Variants in AKAIN1 observed in about 807,000 individuals in gnomAD.
AKAIN1 encodes the protein A-kinase anchor protein inhibitor 1.
AKAIN1 carries 3 observed loss-of-function variants against 3.7 expected under a neutral mutation model. The observed-to-expected ratio is 0.82, with a 90% CI of 0.37 to 2.12. The LOEUF is 2.12. Ranked by LOEUF, AKAIN1 falls within the 30% of genes most tolerant of loss-of-function variation. The pLI is 0.06. For synonymous variants in AKAIN1, 31 were observed against 30.8 expected (o/e 1.01, Z -0.02); for missense variants, 82 against 82.7 (o/e 0.99, Z 0.03).
At chr18:5,195,884 T>C (rs1412842631) in intron 1 of AKAIN1, among the ~76,000 whole-genome samples, 1 of 152,170 alleles carries the variant, frequency 6.6e-6, no homozygotes, top group Non-Finnish European at 1.5e-5. Flanking sequence ...TAAGAACCAC[T>C]GCCTGTGGTA....
chr18:5,194,116 A>G (rs1045354018), intron 1 of AKAIN1, among the ~76,000 whole-genome samples: 1 of 152,190 alleles, frequency 6.6e-6, no homozygotes, highest in Non-Finnish European at 1.5e-5. Context: ...CACAGAAATT[A>G]ATATATATGT....
At chr18:5,196,872 G>A (rs1411898871) in intron 1 of AKAIN1, among the ~76,000 whole-genome samples, 166 bp downstream of exon 1, 1 of 152,196 alleles carries the variant, frequency 6.6e-6, no homozygotes, top group Non-Finnish European at 1.5e-5. Context: ...CTGGGGAGAG[G>A]GGCGAAGGCG....
At chr18:5,155,435 T>C (rs7232953) in intron 1 of AKAIN1, among the ~76,000 whole-genome samples, 45,865 of 152,090 alleles carry the variant, frequency 0.3, 7,712 homozygotes, top group African/African-American at 0.44. Flanking sequence ...TTATTGAATA[T>C]GTATATCTGG....
intron 1 of AKAIN1, among the ~76,000 whole-genome samples, chr18:5,157,715 T>G (rs1013124447): frequency 6.6e-6 from 1 of 152,122 alleles, no homozygotes; most frequent in Non-Finnish European, 1.5e-5. Context: ...TTATTAAATT[T>G]TTTTCAAAGA....
chr18:5,148,208 GA>G (rs2071060154), intron 1 of AKAIN1, among the ~76,000 whole-genome samples: 1 of 152,232 alleles, frequency 6.6e-6, no homozygotes, highest in African/African-American at 2.4e-5. Flanking sequence ...TCACACAAGA[GA>G]AATTCATTGC....
rs1440115836 is a variant in AKAIN1 at position 5,176,453 on chromosome 18, C to CA, written c.16+20584dup. ...GGACCCTGTCTCAAAAACAAACAAA[C>CA]AAACAAAAAAAACAAACTGGTAAAT... On this transcript the variant is annotated intron_variant, in intron 1 of 1. Coordinates refer to ENST00000434239, the MANE Select transcript of AKAIN1 (RefSeq NM_001145194.2). Among the ~76,000 whole-genome samples the CA allele has an allele frequency of 3.7e-3, 552 of 150,038 alleles. 10 individuals carry two copies. In the East Asian group the frequency reaches 0.061, roughly 17 times the overall value.
chr18:5,192,441 C>CCTTCT (rs1555611454), intron 1 of AKAIN1, among the ~76,000 whole-genome samples: 1 of 101,430 alleles, frequency 9.9e-6, no homozygotes, highest in East Asian at 3.9e-4. Flanking sequence ...TTCTTTCTTT[C>CCTTCT]TTTCTTTTTC....
chr18:5,160,510 G>C (rs2071133293), intron 1 of AKAIN1, among the ~76,000 whole-genome samples: 1 of 151,790 alleles, frequency 6.6e-6, no homozygotes. Context: ...GGCCCTCTTT[G>C]TGGCTCAGAA....
At chr18:5,157,919 T>C (rs447125) in intron 1 of AKAIN1, among the ~76,000 whole-genome samples, 64,535 of 151,914 alleles carry the variant, frequency 0.42, 15,914 homozygotes, top group African/African-American at 0.69. Context: ...GTCTCAAACT[T>C]CTGGCCTCAA....
intron 1 of AKAIN1, among the ~76,000 whole-genome samples, chr18:5,147,324 C>T (rs1457607278): frequency 6.6e-6 from 1 of 152,132 alleles, no homozygotes; most frequent in African/African-American, 2.4e-5. Context: ...AAGGCAACTG[C>T]TCTTTTGTAT....
chr18:5,158,859 A>C (rs2071123132), intron 1 of AKAIN1, among the ~76,000 whole-genome samples: 1 of 152,194 alleles, frequency 6.6e-6, no homozygotes, highest in South Asian at 2.1e-4. Context: ...AGTTCACCTG[A>C]ACAAGCCTTG....
chr18:5,146,505 A>C lies in AKAIN1; in HGVS notation c.17-750T>G, dbSNP rs77306682. Among the ~76,000 whole-genome samples, 9 of 152,298 alleles carry C rather than the reference A, an allele frequency of 5.9e-5. No individual in the cohort carries two copies. In the East Asian group the frequency reaches 1.2e-3, roughly 20 times the overall value. On this transcript the variant is annotated intron_variant, in intron 1 of 1. Transcript: ENST00000434239. ...GCCAAATACATGCCTAGTGTATATA[A>C]CCTCGCTGGGGCTGGAGAACAAATG...
chr18:5,162,502 G>A lies in AKAIN1; in HGVS notation c.17-16747C>T, dbSNP rs541163356. On this transcript the variant is annotated intron_variant, in intron 1 of 1. Transcript: ENST00000434239. ...GGCACAGAATATCTGGGAACTATGA[G>A]CAGGTCTTAACTCCCTAGCCTAGTT... is the stretch of plus-strand genomic sequence containing the variant. Among the ~76,000 whole-genome samples, 7 of 152,164 alleles carry A rather than the reference G, an allele frequency of 4.6e-5. No homozygotes were observed. In the South Asian group the frequency reaches 8.3e-4, roughly 18 times the overall value.
chr18:5,195,526 G>C (rs1252794521), intron 1 of AKAIN1, among the ~76,000 whole-genome samples: 1 of 152,194 alleles, frequency 6.6e-6, no homozygotes, highest in Non-Finnish European at 1.5e-5. Context: ...CCTGGAGCCA[G>C]TGAGATATTT....
chr18:5,195,676 A>G (rs1394039121), intron 1 of AKAIN1, among the ~76,000 whole-genome samples: 2 of 152,226 alleles, frequency 1.3e-5, no homozygotes, highest in Non-Finnish European at 2.9e-5. Context: ...CAGGGTAATT[A>G]GGAGATCAAA....
At chr18:5,193,731 T>G (rs1281597165) in intron 1 of AKAIN1, among the ~76,000 whole-genome samples, 1 of 152,190 alleles carries the variant, frequency 6.6e-6, no homozygotes, top group Non-Finnish European at 1.5e-5. Context: ...TACAAATTAG[T>G]AATAATTCCT....
intron 1 of AKAIN1, among the ~76,000 whole-genome samples, chr18:5,148,287 C>T (rs936874633): frequency 6.6e-6 from 1 of 152,202 alleles, no homozygotes; most frequent in African/African-American, 2.4e-5. Flanking sequence ...TATCTAAGGA[C>T]TCTAACTTCC....
chr18:5,196,947 G>A (rs1436194446), intron 1 of AKAIN1, 91 bp downstream of exon 1: 1 of 1,157,024 alleles, frequency 8.6e-7, no homozygotes, highest in Non-Finnish European at 1.3e-6. Context: ...CAGATGGGCC[G>A]TAAGGTAAAG....
chr18:5,154,993 C>G (rs1464923632), intron 1 of AKAIN1, among the ~76,000 whole-genome samples: 1 of 152,076 alleles, frequency 6.6e-6, no homozygotes, highest in African/African-American at 2.4e-5. Context: ...TGCCACACCA[C>G]AGGGCTGGTT....
Sources: gnomAD v4.1 joint callset for allele counts (sites outside exome capture counted in the v4.1 genomes callset) on GRCh38, gnomAD v4.1.1 for gene constraint, MANE v1.5 for transcripts, NCBI Gene and HGNC (gene_info 2026-07-23, HGNC 2026-07-21) for gene names.